Variants in CNTNAP2 observed in about 807,000 individuals in gnomAD.
CNTNAP2 encodes the protein contactin associated protein 2, also known as contactin-associated protein-like 2.
In CNTNAP2, 98 loss-of-function variants were observed where a neutral mutation model predicts 155.2. That is an observed-to-expected ratio of 0.63 (90% CI 0.54 to 0.75). The LOEUF (loss-of-function observed/expected upper bound fraction) is 0.75. CNTNAP2 is among the 30% of genes least tolerant of loss of function. CNTNAP2 has a pLI of 0.00. For synonymous variants in CNTNAP2, 651 were observed against 631.2 expected (o/e 1.03, Z -0.47); for missense variants, 1,727 against 1,688.1 (o/e 1.02, Z -0.40).
At chr7:148,024,302 C>T (rs1802339070) in intron 15 of CNTNAP2, among the ~76,000 whole-genome samples, 1 of 152,004 alleles carries the variant, frequency 6.6e-6, no homozygotes, top group South Asian at 2.1e-4. Context: ...GAAATTGTGG[C>T]CTCCATACCC....
intron 1 of CNTNAP2, among the ~76,000 whole-genome samples, chr7:146,554,421 AT>A (rs1187764538): frequency 2.6e-5 from 4 of 152,158 alleles, no homozygotes; most frequent in Admixed American, 2.0e-4. Flanking sequence ...TTTGGTAACT[AT>A]TTTTTTGCAA....
intron 8 of CNTNAP2, among the ~76,000 whole-genome samples, chr7:147,245,761 C>CA (rs34304342): frequency 0.26 from 22,352 of 85,166 alleles, 3,407 homozygotes; most frequent in Middle Eastern, 0.33. Context: ...GACTCTGTCT[C>CA]AAAAAAAAAA....
intron 13 of CNTNAP2, among the ~76,000 whole-genome samples, chr7:147,889,509 A>C (rs1229764888): frequency 6.6e-6 from 1 of 152,196 alleles, no homozygotes; most frequent in Non-Finnish European, 1.5e-5. Flanking sequence ...AGAGAAAAAA[A>C]AATTACAATT....
At chr7:146,796,669 T>G (rs1253832305) in intron 2 of CNTNAP2, among the ~76,000 whole-genome samples, 3 of 152,096 alleles carry the variant, frequency 2.0e-5, no homozygotes, top group Non-Finnish European at 4.4e-5. Flanking sequence ...GCTTGGCCAC[T>G]TAAAAACTGA....
intron 10 of CNTNAP2, among the ~76,000 whole-genome samples, chr7:147,412,458 G>A (rs148527349): frequency 6.6e-6 from 1 of 152,074 alleles, no homozygotes; most frequent in East Asian, 1.9e-4. Flanking sequence ...TGTAAGACTG[G>A]GTTAGGCACT....
At chr7:147,647,172 T>C (rs1276390016) in intron 13 of CNTNAP2, among the ~76,000 whole-genome samples, 1 of 151,878 alleles carries the variant, frequency 6.6e-6, no homozygotes, top group African/African-American at 2.4e-5. Context: ...TCTTTTTTTT[T>C]TGTATTTTAG....
chr7:148,032,456 C>T (rs2116464357), intron 15 of CNTNAP2, among the ~76,000 whole-genome samples: 1 of 152,210 alleles, frequency 6.6e-6, no homozygotes, highest in African/African-American at 2.4e-5. Context: ...AAGGAGCTAC[C>T]GTGCTGGAGC....
chr7:148,339,974 A>AGTCTGTGTGT (rs1798199244), intron 21 of CNTNAP2, among the ~76,000 whole-genome samples: 2 of 144,792 alleles, frequency 1.4e-5, no homozygotes, highest in Admixed American at 1.4e-4. Flanking sequence ...TCCTTCGTGC[A>AGTCTGTGTGT]GTGTGTGTGT....
At chr7:146,850,618 T>C (rs1474808864) in intron 3 of CNTNAP2, among the ~76,000 whole-genome samples, 6 of 152,160 alleles carry the variant, frequency 3.9e-5, no homozygotes, top group Non-Finnish European at 8.8e-5. Context: ...AAAGTACAAC[T>C]TTCCCTGGGG....
At chr7:146,662,142 CTT>C (rs776516522) in intron 1 of CNTNAP2, among the ~76,000 whole-genome samples, 9 of 144,148 alleles carry the variant, frequency 6.2e-5, no homozygotes, top group Admixed American at 7.0e-5. Context: ...GTTTTCTCTC[CTT>C]TTTTTTTTTT....
chr7:146,214,116 T>A (rs527334657), intron 1 of CNTNAP2, among the ~76,000 whole-genome samples: 19 of 152,176 alleles, frequency 1.2e-4, no homozygotes, highest in Non-Finnish European at 2.2e-4. Flanking sequence ...GTTGTAAAAT[T>A]TTTGAATAAG....
At chr7:147,305,989 A>G (rs534227075) in intron 9 of CNTNAP2, among the ~76,000 whole-genome samples, 1 of 152,196 alleles carries the variant, frequency 6.6e-6, no homozygotes, top group Non-Finnish European at 1.5e-5. Context: ...GTGTTTCCGC[A>G]TCTGAATTTC....
chr7:146,591,472 G>C (rs910511589), intron 1 of CNTNAP2, among the ~76,000 whole-genome samples: 2 of 99,870 alleles, frequency 2.0e-5, no homozygotes, highest in African/African-American at 4.0e-5. Flanking sequence ...TATGAAAATA[G>C]ATGTGAAATT....
At chr7:146,725,749 G>A (rs185119124) in intron 1 of CNTNAP2, among the ~76,000 whole-genome samples, 48 of 152,154 alleles carry the variant, frequency 3.2e-4, no homozygotes, top group Admixed American at 2.7e-3. Context: ...CCCACCCCGA[G>A]GGACTCAGCA....
chr7:147,669,402 T>C (rs1202300660), intron 13 of CNTNAP2, among the ~76,000 whole-genome samples: 1 of 152,226 alleles, frequency 6.6e-6, no homozygotes, highest in African/African-American at 2.4e-5. Context: ...TTTGCATAGG[T>C]CCCTAATTAA....
intron 1 of CNTNAP2, among the ~76,000 whole-genome samples, chr7:146,270,099 C>A (rs1401036520): frequency 6.6e-6 from 1 of 152,254 alleles, no homozygotes; most frequent in Non-Finnish European, 1.5e-5. Context: ...TCTAACTGGA[C>A]TTTCTCCCAT....
intron 1 of CNTNAP2, among the ~76,000 whole-genome samples, chr7:146,494,026 TA>T (rs1797176680): frequency 6.6e-6 from 1 of 151,942 alleles, no homozygotes; most frequent in South Asian, 2.1e-4. Flanking sequence ...TTGAAGTAAA[TA>T]AAAAATTTAA....
chr7:147,154,292 G>C (rs1224191737), intron 8 of CNTNAP2, among the ~76,000 whole-genome samples: 1 of 152,044 alleles, frequency 6.6e-6, no homozygotes, highest in Non-Finnish European at 1.5e-5. Flanking sequence ...TGAGACGTTG[G>C]GCATAAAAGA....
chr7:147,818,087 A>G (rs1185554918), intron 13 of CNTNAP2, among the ~76,000 whole-genome samples: 3 of 152,066 alleles, frequency 2.0e-5, no homozygotes, highest in African/African-American at 7.2e-5. Context: ...ATTCCCACAT[A>G]ACTGTATATC....
Sources: allele counts gnomAD v4.1 joint callset (sites outside exome capture counted in the v4.1 genomes callset), GRCh38; gene constraint gnomAD v4.1.1; transcripts MANE v1.5; gene names NCBI Gene and HGNC (gene_info 2026-07-23, HGNC 2026-07-21).